SOX30: variants seen among roughly 807,000 people sequenced by gnomAD.
SOX30 encodes the protein SRY-box transcription factor 30.
A neutral mutation model predicts 58.6 loss-of-function variants in SOX30; 17 were observed. That is an observed-to-expected ratio of 0.29 (90% CI 0.20 to 0.44). The LOEUF (loss-of-function observed/expected upper bound fraction) is 0.44. Among genes scored for constraint, SOX30 ranks in the 20% least tolerant of loss-of-function variants. The probability of loss-of-function intolerance (pLI) is 1.00; values close to 1 mark genes in which losing one functional copy is unlikely to be tolerated. For synonymous variants in SOX30, 421 were observed against 400.2 expected, an observed-to-expected ratio of 1.05 and a Z score of -0.62; for missense variants, 951 against 965.8, an observed-to-expected ratio of 0.98 and a Z score of 0.20.
intron 2 of SOX30, among the ~76,000 whole-genome samples, chr5:157,664,646 C>A (rs1471097312): frequency 6.6e-6 from 1 of 152,110 alleles, no homozygotes; most frequent in Admixed American, 6.6e-5. Context: ...AAAGAAACTA[C>A]CATCAGAGTG....
Position 157,646,771 on chromosome 5 carries a change from A to G in SOX30, c.1253T>C (p.Leu418Pro), listed in dbSNP as rs142696275. ...ACCAGAAAATACATTGGAAACACTT[A>G]GAGGGAATCGTTTTCGCTTCCCTGG... is the stretch of plus-strand genomic sequence containing the variant. ...PRPGKRKRFP[L>P]SVSNVFSGTT... The change falls in exon 3 of 5, where the codon CTA (leucine) becomes CCA (proline). Residue 418 changes from leucine (L) to proline (P), a missense_variant. Leu to Pro is a moderately conservative substitution (Grantham distance 98, BLOSUM62 -3). Around this residue, in one of 7 missense-constraint regions of SOX30, gnomAD observed 57 missense variants for 104.0 expected, o/e 0.55. Transcript: ENST00000265007. 2.7e-5 allele frequency: 43 copies of G among 1,614,116 alleles called. No homozygotes were observed. The African/African-American group carries it at 5.5e-4, about 21-fold the overall frequency.
intron 4 of SOX30, among the ~76,000 whole-genome samples, chr5:157,633,865 C>G (rs1269626269): frequency 1.3e-5 from 2 of 152,132 alleles, no homozygotes; most frequent in Admixed American, 1.3e-4. Flanking sequence ...TCCCTACTTA[C>G]ATAGATTTTA....
chr5:157,648,645 TA>T lies in SOX30; in HGVS notation c.1207+11del. ...TTTAAAAGAAGTAAGAGGCATTATT[TA>T]ATTTGATTACCAGGAAATTCCTCTC... On this transcript the variant is annotated intron_variant, in intron 2 of 4. Transcript: ENST00000265007. The T allele has an allele frequency of 6.2e-7, 1 of 1,608,650 alleles. No individual in the cohort carries two copies. Among genetic ancestry groups the T allele is most frequent in the Non-Finnish European group, 8.5e-7 (1 of 1,176,424 alleles).
rs747161456 is a variant in SOX30, at chr5:157,626,483, T to C, written c.2119A>G (p.Asn707Asp). 2 of 1,614,190 alleles carry C rather than the reference T, an allele frequency of 1.2e-6. No individual in the cohort carries two copies. The highest frequency in any genetic ancestry group is 1.7e-5 in the Admixed American group (1 of 60,020). ...YNSHSHSGEE[N>D]LNPVPQLDIG... ...TCCAGCTGAGGCACAGGGTTTAAGT[T>C]TTCTTCCCCACTGTGGCTATGACTG... Residue 707 changes from asparagine to aspartate, a missense_variant, in exon 5 of 5, where the codon AAC becomes GAC. This residue lies in a region of SOX30 where 381 missense variants were observed against 390.0 expected (regional missense o/e 0.98). Coordinates refer to ENST00000265007, the MANE Select transcript of SOX30 (RefSeq NM_178424.2).
chr5:157,652,152 T>A lies in SOX30; in HGVS notation c.-74A>T, dbSNP rs990418482. On this transcript the variant is annotated 5_prime_UTR_variant, in exon 1 of 5. Coordinates refer to ENST00000265007, the MANE Select transcript of SOX30 (RefSeq NM_178424.2). Reference sequence around the variant, plus strand: ...GCGACCTTCCCCCTCCCCCTTTCGGTTAAGAGCCTTGCAAGGCCTTTGCTA... The same window carrying A: ...GCGACCTTCCCCCTCCCCCTTTCGGATAAGAGCCTTGCAAGGCCTTTGCTA... The A allele has an allele frequency of 1.5e-6, 2 of 1,379,222 alleles. No individual in the cohort carries two copies. Among genetic ancestry groups the A allele is most frequent in the South Asian group, 1.8e-5 (1 of 56,570 alleles). The allele number at this position is 1,379,222 out of a possible 1,614,324, so 85.4% of individuals were successfully genotyped here.
rs775824863 is a variant in SOX30 at position 157,626,330 on chromosome 5, T to G, written c.*10A>C. 1 of 1,581,934 alleles carries G rather than the reference T, an allele frequency of 6.3e-7. No homozygotes were observed. The highest frequency in any genetic ancestry group is 1.2e-5 in the South Asian group (1 of 85,684). ...GAAATGTTTATTTTCTGTGCATATTTGTTTTAAAATTATAAATCCCTGAGC... is the reference window on the plus strand; with the variant it reads ...GAAATGTTTATTTTCTGTGCATATTGGTTTTAAAATTATAAATCCCTGAGC... On this transcript the variant is annotated 3_prime_UTR_variant, in exon 5 of 5. Transcript: ENST00000265007.
Position 157,651,838 on chromosome 5 carries a change from G to C in SOX30, c.241C>G (p.Leu81Val), listed in dbSNP as rs780312525. The C allele has an allele frequency of 2.0e-5, 32 of 1,585,774 alleles. No individual in the cohort carries two copies. Among genetic ancestry groups the C allele is most frequent in the Non-Finnish European group, 2.5e-5 (29 of 1,170,204 alleles). Reference sequence around the variant, plus strand: ...TCGTTCTGGGCCTGAGGCTGTGGTAGCAGCAACACCTGCTCTGGCTTCACC... The same window carrying C: ...TCGTTCTGGGCCTGAGGCTGTGGTACCAGCAACACCTGCTCTGGCTTCACC... The part of the protein sequence containing the change: ...LQVKPEQVLL[L>V]PQPQAQNEEA... Residue 81 changes from leucine to valine, a missense_variant, in exon 1 of 5, where the codon CTA (leucine) becomes GTA (valine). Physicochemically the swap from Leu to Val is conservative, Grantham distance 32 (BLOSUM62 1). This residue lies in a region of SOX30 where 363 missense variants were observed against 294.5 expected (regional missense o/e 1.23). Transcript: ENST00000265007.
At chr5:157,671,034 G>C (rs1305761191) in intron 1 of SOX30, among the ~76,000 whole-genome samples, 1 of 152,192 alleles carries the variant, frequency 6.6e-6, no homozygotes, top group Non-Finnish European at 1.5e-5. Flanking sequence ...TCGGTGTCAA[G>C]ACCCCGCAGG....
rs1356710600 is a variant in SOX30 at position 157,638,414 on chromosome 5, T to A, written c.1696A>T (p.Arg566Trp). Residue 566 changes from arginine to tryptophan, a missense_variant, in exon 4 of 5, where the codon AGG becomes TGG. Physicochemically the swap from Arg to Trp is moderately radical, Grantham distance 101 (BLOSUM62 -3). Around this residue, in one of 7 missense-constraint regions of SOX30, gnomAD observed 381 missense variants for 390.0 expected, o/e 0.98. Transcript: ENST00000265007. ...CAAGGGGAAACGCTGGAATACTCCCTAGGAGGTTGGATGGTCGAAGTTGCA... is the reference window on the plus strand; with the variant it reads ...CAAGGGGAAACGCTGGAATACTCCCAAGGAGGTTGGATGGTCGAAGTTGCA... ...RFATSTIQPP[R>W]EYSSVSPCPR... is the part of the protein sequence containing the mutation. 1.2e-6 allele frequency: 2 copies of A among 1,613,640 alleles called. No homozygotes were observed. Among genetic ancestry groups the A allele is most frequent in the Non-Finnish European group, 1.7e-6 (2 of 1,179,788 alleles).
In SOX30 at chr5:157,652,073, C is replaced by T. The variant is rs1759368162; in HGVS notation, c.6G>A (p.Glu2=). Reference sequence around the variant, plus strand: ...GAGGCGGCGGCTCGGGTCTGGCTCTCTCCATGGGGGAGGGGGACGCCCCGG... The same window carrying T: ...GAGGCGGCGGCTCGGGTCTGGCTCTTTCCATGGGGGAGGGGGACGCCCCGG... The part of the protein sequence containing the change: M[E]RARPEPPPQP... The change falls in exon 1 of 5, where the codon GAG becomes GAA. Residue 2 remains glutamate (E), a synonymous_variant. Transcript: ENST00000265007. 12 of 1,405,834 alleles carry T rather than the reference C, an allele frequency of 8.5e-6. No individual in the cohort carries two copies. Among genetic ancestry groups the T allele is most frequent in the African/African-American group, 3.0e-5 (2 of 66,106 alleles). 87.1% of individuals were successfully genotyped at this position (1,405,834 alleles called of 1,614,324 possible). A position where few individuals can be genotyped will look rare whatever the true frequency, so the allele number is the denominator to read the frequency against.
chr5:157,667,802 C>T (rs1383762269), exon 2 of SOX30: 1 of 1,535,296 alleles, frequency 6.5e-7, no homozygotes, highest in East Asian at 2.4e-5. Context: ...ACAAACCTTG[C>T]TGGATGCACA....
chr5:157,668,450 G>A (rs994786025), intron 1 of SOX30, among the ~76,000 whole-genome samples: 2 of 152,036 alleles, frequency 1.3e-5, no homozygotes, highest in African/African-American at 4.8e-5. Flanking sequence ...TGCTAAGAGT[G>A]ATCCCAAAGT....
chr5:157,627,139 G>A (rs573308771), intron 4 of SOX30, among the ~76,000 whole-genome samples: 25 of 152,282 alleles, frequency 1.6e-4, no homozygotes, highest in African/African-American at 2.2e-4. Context: ...TGAGGCGGGC[G>A]GAACATGAGG....
chr5:157,632,175 A>G (rs1581389306), intron 4 of SOX30, among the ~76,000 whole-genome samples: 2 of 151,790 alleles, frequency 1.3e-5, no homozygotes, highest in Middle Eastern at 3.4e-3. Context: ...AAGTTTTCCA[A>G]TCTAGTTGGT....
At chr5:157,651,033 G>A (rs1386277175) in intron 1 of SOX30, 79 bp downstream of exon 1, 1 of 1,085,320 alleles carries the variant, frequency 9.2e-7, no homozygotes, top group Non-Finnish European at 1.3e-6. Context: ...TTGTAGTTTA[G>A]ACTTGGGAAC....
intron 4 of SOX30, among the ~76,000 whole-genome samples, chr5:157,630,349 G>C (rs1758760481): frequency 6.6e-6 from 1 of 152,054 alleles, no homozygotes; most frequent in Non-Finnish European, 1.5e-5. Flanking sequence ...CTACTTTCTT[G>C]TTTCTTTGCA....
At chr5:157,649,042 G>A in intron 1 of SOX30, 146 bp from the exon 2 acceptor site, 2 of 1,012,026 alleles carry the variant, frequency 2.0e-6, no homozygotes, top group Non-Finnish European at 1.4e-6. Context: ...AAACCTGCCA[G>A]TATTCCACAA....
At chr5:157,635,879 T>C (rs770818215) in intron 4 of SOX30, among the ~76,000 whole-genome samples, 5 of 152,198 alleles carry the variant, frequency 3.3e-5, no homozygotes, top group Non-Finnish European at 5.9e-5. Flanking sequence ...AACTAACAGC[T>C]GCCAATCAAG....
At chr5:157,665,167 T>C (rs1759646841) in intron 2 of SOX30, among the ~76,000 whole-genome samples, 1 of 152,192 alleles carries the variant, frequency 6.6e-6, no homozygotes. Flanking sequence ...ATTGTGGCAC[T>C]ATTCACAATA....
Sources: allele counts gnomAD v4.1 joint callset (sites outside exome capture counted in the v4.1 genomes callset), GRCh38; gene constraint gnomAD v4.1.1; regional missense constraint gnomAD v4.1.1; transcripts MANE v1.5; gene names NCBI Gene and HGNC (gene_info 2026-07-23, HGNC 2026-07-21).